The following EEPD1 variants were observed in gnomAD, a reference collection of about 807,000 sequenced individuals.
The protein encoded by EEPD1 is endonuclease/exonuclease/phosphatase family domain-containing protein 1.
A neutral mutation model predicts 46.3 loss-of-function variants in EEPD1; 17 were observed. That is an observed-to-expected ratio of 0.37 (90% confidence interval 0.25 to 0.55). EEPD1 has a LOEUF of 0.55. EEPD1 is among the 20% of genes least tolerant of loss of function. The pLI is 0.83. For synonymous variants in EEPD1, 313 were observed against 315.6 expected (o/e 0.99, Z 0.09); for missense variants, 673 against 745.6 (o/e 0.90, Z 1.13).
rs1028689831 is a variant in EEPD1 at position 36,281,154 on chromosome 7, C to T, written c.970C>T (p.Arg324Cys). The T allele has an allele frequency of 8.1e-6, 13 of 1,614,160 alleles. No individual in the cohort carries two copies. Among genetic ancestry groups the T allele is most frequent in the Admixed American group, 1.7e-5 (1 of 60,028 alleles). ...AAACCAGCCGACCCTGCCCAACATC[C>T]GCAAGTGGAAGGGGCCCCGGGGATG... is the stretch of plus-strand genomic sequence containing the variant. The part of the protein sequence containing the change: ...ELNQPTLPNI[R>C]KWKGPRGCWK... Residue 324 changes from arginine (R) to cysteine (C), a missense_variant, in exon 4 of 8, where the codon CGC (arginine) becomes TGC (cysteine). Physicochemically the swap from Arg to Cys is radical, Grantham distance 180 (BLOSUM62 -3). Coordinates refer to ENST00000242108, the MANE Select transcript of EEPD1 (RefSeq NM_030636.3).
rs538170359 is a variant in EEPD1, at chr7:36,193,210, G to A, written c.878+38008G>A. On this transcript the variant is annotated intron_variant, in intron 2 of 7. Coordinates refer to ENST00000242108, the MANE Select transcript of EEPD1 (RefSeq NM_030636.3). This position sits in a 1 kb window ranked among gnomAD's most constrained non-coding sequence, Gnocchi z 4.9. ...CATCTTGGGGTGAGTGGGATGGCAG[G>A]GAAGGGTCCCAGAAGAACTGATGAG... Among the ~76,000 whole-genome samples the A allele has an allele frequency of 6.6e-6, 1 of 152,302 alleles. No homozygotes were observed. The highest frequency in any genetic ancestry group is 6.5e-5 in the Admixed American group (1 of 15,310).
At chr7:36,243,224 C>T (rs963695693) in intron 3 of EEPD1, among the ~76,000 whole-genome samples, 33 of 151,818 alleles carry the variant, frequency 2.2e-4, no homozygotes, top group African/African-American at 7.2e-4. Context: ...TGTAGAGTAT[C>T]GTTTATTATC....
chr7:36,185,070 T>C (rs1015771382), intron 2 of EEPD1, among the ~76,000 whole-genome samples: 4 of 152,210 alleles, frequency 2.6e-5, no homozygotes, highest in Non-Finnish European at 5.9e-5. Context: ...ACAACCCATA[T>C]GCCTGCCTCC....
At chr7:36,252,063 C>T (rs1786746849) in intron 3 of EEPD1, among the ~76,000 whole-genome samples, 1 of 152,262 alleles carries the variant, frequency 6.6e-6, no homozygotes, top group Middle Eastern at 3.4e-3. Context: ...CTTTTACTCA[C>T]GATGGTTGTT....
chr7:36,255,469 T>TAGA (rs1786814477), intron 3 of EEPD1, among the ~76,000 whole-genome samples: 1 of 152,078 alleles, frequency 6.6e-6, no homozygotes, highest in Admixed American at 6.6e-5. Context: ...TCTTTATTAC[T>TAGA]GCCTCAATTT....
chr7:36,275,702 C>G (rs530674104), intron 3 of EEPD1, among the ~76,000 whole-genome samples: 1 of 152,200 alleles, frequency 6.6e-6, no homozygotes, highest in African/African-American at 2.4e-5. Flanking sequence ...CCTCGTGATC[C>G]ACCCGCTTCG....
chr7:36,173,391 C>T (rs187037340), intron 2 of EEPD1, among the ~76,000 whole-genome samples: 3 of 149,902 alleles, frequency 2.0e-5, no homozygotes, highest in East Asian at 2.0e-4. Flanking sequence ...CCCAGCTACT[C>T]GGGAGGCTGA....
intron 2 of EEPD1, 106 bp downstream of exon 2, chr7:36,155,308 G>C (rs1465839951): frequency 7.5e-7 from 1 of 1,324,690 alleles, no homozygotes; most frequent in East Asian, 2.6e-5. Context: ...GAGGGTGCAA[G>C]AGTTTTTAAT....
chr7:36,279,697 C>T (rs1351495949), intron 3 of EEPD1, among the ~76,000 whole-genome samples: 9 of 152,232 alleles, frequency 5.9e-5, no homozygotes, highest in Non-Finnish European at 1.2e-4. Context: ...CAAACCCAAG[C>T]GTGCATCAGA....
In EEPD1 at chr7:36,155,037, C is replaced by A. The variant is rs1784805028; in HGVS notation, c.713C>A (p.Pro238His). The part of the protein sequence containing the change: ...SEDLDLPPGG[P>H]TQIISTRPSV... ...GACCTGGACCTGCCGCCAGGGGGGC[C>A]CACCCAGATTATCTCCACTCGGCCG... Residue 238 changes from proline to histidine, a missense_variant, in exon 2 of 8, where the codon CCC becomes CAC. Pro to His is a moderately conservative substitution (Grantham distance 77, BLOSUM62 -2). Coordinates refer to ENST00000242108, the MANE Select transcript of EEPD1 (RefSeq NM_030636.3). 6.9e-6 allele frequency: 11 copies of A among 1,603,866 alleles called. No individual in the cohort carries two copies. The highest frequency in any genetic ancestry group is 9.4e-6 in the Non-Finnish European group (11 of 1,173,346).
intron 5 of EEPD1, among the ~76,000 whole-genome samples, chr7:36,285,722 G>A (rs1167701782): frequency 2.0e-5 from 3 of 152,164 alleles, no homozygotes; most frequent in South Asian, 2.1e-4. Context: ...TGCTTTCTGT[G>A]TGCTCCAGAG....
chr7:36,193,156 G>A lies in EEPD1; in HGVS notation c.878+37954G>A, dbSNP rs62445400. On this transcript the variant is annotated intron_variant, in intron 2 of 7. Coordinates refer to ENST00000242108, the MANE Select transcript of EEPD1 (RefSeq NM_030636.3). This position sits in a 1 kb window ranked among gnomAD's most constrained non-coding sequence, Gnocchi z 4.9. The stretch of plus-strand genomic sequence containing the variant: ...CGTCATGATGGGGGCACAGGATTCC[G>A]TGGACATTGGCAGCAGGCATGCTCA... 0.043 allele frequency among the ~76,000 whole-genome samples: 6,546 copies of A among 152,326 alleles called. 192 individuals carry two copies. The highest frequency in any genetic ancestry group is 0.11 in the East Asian group (554 of 5,176).
At chr7:36,270,950 C>G (rs985403065) in intron 3 of EEPD1, among the ~76,000 whole-genome samples, 1 of 151,916 alleles carries the variant, frequency 6.6e-6, no homozygotes, top group Non-Finnish European at 1.5e-5. Flanking sequence ...TTCTCCACAT[C>G]CTCTCCAGCA....
chr7:36,203,209 C>T (rs982698975), intron 2 of EEPD1, among the ~76,000 whole-genome samples: 7 of 152,152 alleles, frequency 4.6e-5, no homozygotes, highest in Non-Finnish European at 1.0e-4. Context: ...TGCCAGTGTG[C>T]AGGAGGCACA....
At chr7:36,212,206 G>A (rs1244254834) in intron 2 of EEPD1, among the ~76,000 whole-genome samples, 1 of 152,166 alleles carries the variant, frequency 6.6e-6, no homozygotes, top group Non-Finnish European at 1.5e-5. Context: ...AAAATGAGAT[G>A]TCAGTTTTCC....
chr7:36,293,276 G>A (rs1787476477), intron 6 of EEPD1, among the ~76,000 whole-genome samples: 1 of 152,166 alleles, frequency 6.6e-6, no homozygotes, highest in African/African-American at 2.4e-5. Context: ...ATGGCAAAGT[G>A]TTCTTGGGTG....
chr7:36,190,966 C>T (rs963617197), intron 2 of EEPD1, among the ~76,000 whole-genome samples: 1 of 152,240 alleles, frequency 6.6e-6, no homozygotes, highest in Non-Finnish European at 1.5e-5. Context: ...CCTTAAGTCA[C>T]TATCGGTCAC....
chr7:36,165,716 C>T (rs1026523029), intron 2 of EEPD1, among the ~76,000 whole-genome samples: 3 of 151,886 alleles, frequency 2.0e-5, no homozygotes, highest in African/African-American at 4.8e-5. Flanking sequence ...GGATTACAGG[C>T]GTGAGCCACC....
intron 5 of EEPD1, among the ~76,000 whole-genome samples, chr7:36,285,311 C>T (rs1197775684): frequency 3.9e-5 from 6 of 152,160 alleles, no homozygotes; most frequent in African/African-American, 7.2e-5. Flanking sequence ...CCCTTCTTAT[C>T]GGCTGCATCT....
Sources: gnomAD v4.1 joint callset for allele counts (sites outside exome capture counted in the v4.1 genomes callset) on GRCh38, gnomAD v4.1.1 for gene constraint, Gnocchi (gnomAD v3.1) non-coding constraint, MANE v1.5 for transcripts, NCBI Gene and HGNC (gene_info 2026-07-23, HGNC 2026-07-21) for gene names.